Variants in COLEC10 observed in about 807,000 individuals in gnomAD.
COLEC10 encodes the protein collectin subfamily member 10.
COLEC10 carries 22 observed loss-of-function variants against 28.4 expected under a neutral mutation model. The ratio of observed to expected loss-of-function variants is 0.78; its 90% CI spans 0.55 to 1.11. The LOEUF (loss-of-function observed/expected upper bound fraction) is 1.11. Ranked by LOEUF, COLEC10 falls within the 50% of genes least tolerant of loss-of-function variation. The pLI, the probability that COLEC10 is intolerant of heterozygous loss-of-function variation, is 0.00. For missense variants in COLEC10, 361 were observed against 344.1 expected, an observed-to-expected ratio of 1.05 and a Z score of -0.39; for synonymous variants, 125 against 116.1, an observed-to-expected ratio of 1.08 and a Z score of -0.49.
At chr8:119,019,901 T>C (rs1194438554) in intron 2 of COLEC10, among the ~76,000 whole-genome samples, 1 of 152,188 alleles carries the variant, frequency 6.6e-6, no homozygotes, top group Admixed American at 6.5e-5. Flanking sequence ...GTCATCTGGC[T>C]TCATGAAAGT....
At chr8:119,002,147 ATATG>A (rs1171661306) in intron 1 of COLEC10, among the ~76,000 whole-genome samples, 2 of 152,172 alleles carry the variant, frequency 1.3e-5, no homozygotes, top group Non-Finnish European at 2.9e-5. Context: ...CCATAATTGT[ATATG>A]TGTGTATATA....
intron 1 of COLEC10, among the ~76,000 whole-genome samples, chr8:118,997,078 A>G (rs371137001): frequency 6.6e-6 from 1 of 152,182 alleles, no homozygotes; most frequent in Non-Finnish European, 1.5e-5. Context: ...CATCCAAACC[A>G]TATCACCTTC....
the COLEC10 span, among the ~76,000 whole-genome samples, chr8:118,968,371 ATCTGGT>A: frequency 1.3e-5 from 2 of 152,000 alleles, no homozygotes; most frequent in Non-Finnish European, 2.9e-5. Flanking sequence ...ATGCTAAACC[ATCTGGT>A]TATGCAATAG....
the COLEC10 span, among the ~76,000 whole-genome samples, chr8:118,970,299 C>T: frequency 2.6e-5 from 4 of 151,980 alleles, no homozygotes; most frequent in African/African-American, 9.7e-5. Flanking sequence ...TGTATGGACA[C>T]AGGTCTGTGG....
intron 2 of COLEC10, among the ~76,000 whole-genome samples, chr8:119,046,372 T>C (rs1814588574): frequency 6.6e-6 from 1 of 152,208 alleles, no homozygotes; most frequent in Non-Finnish European, 1.5e-5. Context: ...ACCTTCATCC[T>C]AGCAACCTCT....
At chr8:118,969,878 G>C in the COLEC10 span, among the ~76,000 whole-genome samples, 14 of 151,744 alleles carry the variant, frequency 9.2e-5, no homozygotes, top group African/African-American at 3.1e-4. Context: ...TTTTACAAAG[G>C]GCATTTTATT....
chr8:119,042,528 T>G (rs1421880421), intron 2 of COLEC10, among the ~76,000 whole-genome samples: 3 of 152,156 alleles, frequency 2.0e-5, no homozygotes, highest in Admixed American at 2.0e-4. Flanking sequence ...TTTGTAACAC[T>G]GGGTGATCCT....
At chr8:118,967,624 TC>T in the COLEC10 span, among the ~76,000 whole-genome samples, 2 of 152,116 alleles carry the variant, frequency 1.3e-5, no homozygotes, top group South Asian at 4.1e-4. Flanking sequence ...TCAAACAATA[TC>T]AATTGTTATT....
intron 3 of COLEC10, among the ~76,000 whole-genome samples, chr8:119,095,451 C>A (rs1043534621): frequency 3.3e-5 from 5 of 152,138 alleles, no homozygotes; most frequent in Non-Finnish European, 7.4e-5. Context: ...GCTTTTAATC[C>A]TAGCACTTCG....
chr8:119,080,727 C>G (rs546065918), intron 1 of COLEC10, among the ~76,000 whole-genome samples: 7 of 152,092 alleles, frequency 4.6e-5, no homozygotes, highest in Non-Finnish European at 8.8e-5. Context: ...AATGATATCT[C>G]TTTTTACCAT....
chr8:119,085,305 C>A (rs534027900), intron 1 of COLEC10, among the ~76,000 whole-genome samples: 5 of 152,166 alleles, frequency 3.3e-5, no homozygotes, highest in African/African-American at 1.2e-4. Flanking sequence ...CCCAATGAGG[C>A]CTGAAGATTT....
upstream of COLEC10, among the ~76,000 whole-genome samples, chr8:118,992,402 T>C (rs1284904946): frequency 1.3e-5 from 2 of 152,128 alleles, no homozygotes; most frequent in Admixed American, 6.6e-5. Flanking sequence ...ATAATCATTG[T>C]TTCAGTAAAA....
the COLEC10 span, among the ~76,000 whole-genome samples, chr8:118,969,473 T>C: frequency 6.6e-6 from 1 of 152,056 alleles, no homozygotes; most frequent in South Asian, 2.1e-4. Flanking sequence ...ATTCAGTTGC[T>C]AACATCTGCC....
At chr8:119,065,109 A>G (rs899914470), upstream of COLEC10, among the ~76,000 whole-genome samples, 2 of 152,114 alleles carry the variant, frequency 1.3e-5, no homozygotes, top group Admixed American at 6.5e-5. Flanking sequence ...CTGATCCCCA[A>G]TACCTCAAAG....
chr8:118,954,737 G>A, the COLEC10 span, among the ~76,000 whole-genome samples: 1 of 152,164 alleles, frequency 6.6e-6, no homozygotes, highest in Non-Finnish European at 1.5e-5. Flanking sequence ...TTGACCCCCA[G>A]TGACTGTCTA....
At chr8:118,996,369 A>T (rs1813590181) in intron 1 of COLEC10, among the ~76,000 whole-genome samples, 1 of 152,190 alleles carries the variant, frequency 6.6e-6, no homozygotes, top group Non-Finnish European at 1.5e-5. Flanking sequence ...CATTTTGGAT[A>T]AATACCTAGA....
At chr8:119,052,873 T>C (rs1353903742) in intron 2 of COLEC10, among the ~76,000 whole-genome samples, 1 of 151,920 alleles carries the variant, frequency 6.6e-6, no homozygotes, top group Non-Finnish European at 1.5e-5. Context: ...AAAGTGAAAA[T>C]AAAACAACAA....
chr8:119,037,668 C>A (rs1443862908), intron 2 of COLEC10, among the ~76,000 whole-genome samples: 7 of 152,124 alleles, frequency 4.6e-5, no homozygotes, highest in African/African-American at 1.7e-4. Context: ...TTTAAATGAC[C>A]TTCTAGTCTA....
chr8:119,093,715 C>A (rs1242540169), intron 3 of COLEC10, among the ~76,000 whole-genome samples: 10 of 152,170 alleles, frequency 6.6e-5, no homozygotes. Context: ...TTCTAATTGC[C>A]TTTCCCCATG....
Sources: allele counts gnomAD v4.1 joint callset (sites outside exome capture counted in the v4.1 genomes callset), GRCh38; gene constraint gnomAD v4.1.1; transcripts MANE v1.5; gene names NCBI Gene and HGNC (gene_info 2026-07-23, HGNC 2026-07-21).